Variants in SLC44A5 observed in about 807,000 individuals in gnomAD.
SLC44A5 encodes the protein solute carrier family 44 member 5, also known as choline transporter-like protein 5.
SLC44A5 carries 57 observed loss-of-function variants against 101.8 expected under a neutral mutation model. The ratio of observed to expected loss-of-function variants is 0.56; its 90% CI spans 0.45 to 0.70. The LOEUF is 0.70. Ranked by LOEUF, SLC44A5 falls within the 30% of genes least tolerant of loss-of-function variation. The pLI, the probability that SLC44A5 is intolerant of heterozygous loss-of-function variation, is 0.00. For missense variants in SLC44A5, 737 were observed against 853.1 expected (o/e 0.86, Z 1.70); for synonymous variants, 281 against 290.9 (o/e 0.97, Z 0.35).
chr1:75,414,459 T>A (rs1463815857), intron 2 of SLC44A5, among the ~76,000 whole-genome samples: 1 of 152,110 alleles, frequency 6.6e-6, no homozygotes, highest in East Asian at 1.9e-4. Context: ...TTAAAAACAC[T>A]ATGCTAGGCA....
chr1:75,361,079 AT>A (rs1271264059), intron 3 of SLC44A5, among the ~76,000 whole-genome samples: 5 of 151,878 alleles, frequency 3.3e-5, no homozygotes, highest in Admixed American at 6.6e-5. Flanking sequence ...TATAAATGAG[AT>A]TTTTTTCTTC....
At chr1:75,638,215 C>T in the SLC44A5 span, among the ~76,000 whole-genome samples, 3 of 151,870 alleles carry the variant, frequency 2.0e-5, no homozygotes, top group South Asian at 2.1e-4. Flanking sequence ...GCTAATAGTA[C>T]GATTAAAGCA....
chr1:75,273,344 TC>T (rs1463641670), intron 6 of SLC44A5, among the ~76,000 whole-genome samples: 1 of 152,136 alleles, frequency 6.6e-6, no homozygotes, highest in Non-Finnish European at 1.5e-5. Context: ...CAGTTTGACT[TC>T]CTCTTTTCCA....
At chr1:75,363,954 G>T (rs543263120) in intron 3 of SLC44A5, among the ~76,000 whole-genome samples, 6 of 152,104 alleles carry the variant, frequency 3.9e-5, no homozygotes. Flanking sequence ...TCCTTACTTG[G>T]CAGTTATTTC....
chr1:75,423,689 C>T (rs963201653), intron 2 of SLC44A5, among the ~76,000 whole-genome samples: 3 of 152,246 alleles, frequency 2.0e-5, no homozygotes, highest in African/African-American at 7.2e-5. Context: ...ATACTCCCTG[C>T]TCCCAGGACG....
chr1:75,222,077 GCCT>G (rs1191862375), intron 14 of SLC44A5, among the ~76,000 whole-genome samples: 1 of 151,004 alleles, frequency 6.6e-6, no homozygotes, highest in Non-Finnish European at 1.5e-5. Context: ...TCCTGCCTCA[GCCT>G]CCCAAGTAGC....
At chr1:75,384,352 A>T (rs1213586274) in intron 3 of SLC44A5, among the ~76,000 whole-genome samples, 3 of 147,126 alleles carry the variant, frequency 2.0e-5, no homozygotes, top group African/African-American at 7.5e-5. Context: ...AAATAAAAGG[A>T]TGGAGGAAGA....
chr1:75,633,332 T>C, the SLC44A5 span, among the ~76,000 whole-genome samples: 1 of 152,152 alleles, frequency 6.6e-6, no homozygotes, highest in Non-Finnish European at 1.5e-5. Context: ...TTTCACGACA[T>C]TGATTCTTCC....
chr1:75,447,794 G>T (rs1665674592), intron 2 of SLC44A5, among the ~76,000 whole-genome samples: 1 of 151,964 alleles, frequency 6.6e-6, no homozygotes, highest in South Asian at 2.1e-4. Context: ...TGATAGGCTA[G>T]TTCATAGTTA....
At chr1:75,318,063 G>T (rs1655829967) in intron 4 of SLC44A5, among the ~76,000 whole-genome samples, 1 of 152,120 alleles carries the variant, frequency 6.6e-6, no homozygotes, top group Admixed American at 6.6e-5. Flanking sequence ...AAAAGATACA[G>T]TTGAAGTTGG....
the SLC44A5 span, among the ~76,000 whole-genome samples, chr1:75,646,448 C>T: frequency 3.0e-3 from 455 of 152,250 alleles, 7 homozygotes; most frequent in South Asian, 0.037. Context: ...GACATGAGAA[C>T]CTTCAGAAAT....
intron 18 of SLC44A5, 139 bp downstream of exon 18, chr1:75,217,727 G>T: frequency 1.6e-6 from 1 of 634,334 alleles, no homozygotes; most frequent in South Asian, 1.8e-5. Flanking sequence ...GCTCTCTCTG[G>T]TTTTCCTTCA....
At chr1:75,488,028 G>A (rs1317187160) in intron 2 of SLC44A5, among the ~76,000 whole-genome samples, 1 of 151,614 alleles carries the variant, frequency 6.6e-6, no homozygotes, top group East Asian at 1.9e-4. Context: ...GATCTACGTT[G>A]TATGCTTCTT....
chr1:75,448,888 C>G lies in SLC44A5; in HGVS notation c.14-52267G>C, dbSNP rs150390471. The stretch of plus-strand genomic sequence containing the variant: ...TCTAAAGTCCTACAGATTTGACTCT[C>G]CTTTCCTCTAGTCTCACCTCTCACT... On this transcript the variant is annotated intron_variant, in intron 2 of 23. Transcript: ENST00000370859. Among the ~76,000 whole-genome samples, 112 of 152,260 alleles carry G rather than the reference C, an allele frequency of 7.4e-4. 1 individual carries two copies. The highest frequency in any genetic ancestry group is 7.0e-3 in the East Asian group (36 of 5,172).
chr1:75,532,602 A>G (rs1263872271), intron 2 of SLC44A5, among the ~76,000 whole-genome samples: 1 of 152,162 alleles, frequency 6.6e-6, no homozygotes, highest in Non-Finnish European at 1.5e-5. Flanking sequence ...CTAACATACT[A>G]CATATTTAAA....
chr1:75,344,214 A>C (rs1658088378), intron 3 of SLC44A5, among the ~76,000 whole-genome samples: 1 of 152,168 alleles, frequency 6.6e-6, no homozygotes, highest in Non-Finnish European at 1.5e-5. Flanking sequence ...AAGTGGGCCA[A>C]AGTGAATTCC....
At chr1:75,650,774 C>T in the SLC44A5 span, among the ~76,000 whole-genome samples, 6 of 150,830 alleles carry the variant, frequency 4.0e-5, no homozygotes, top group African/African-American at 1.5e-4. Flanking sequence ...CATGTGCCAC[C>T]ACACCCAGCT....
the SLC44A5 span, among the ~76,000 whole-genome samples, chr1:75,618,621 A>G: frequency 1.3e-5 from 2 of 152,260 alleles, no homozygotes; most frequent in African/African-American, 2.4e-5. Flanking sequence ...TTAAACAAAC[A>G]TACATGGTAT....
At chr1:75,342,994 C>A (rs1202399969) in intron 3 of SLC44A5, among the ~76,000 whole-genome samples, 1 of 151,958 alleles carries the variant, frequency 6.6e-6, no homozygotes. Context: ...TTATATCCTG[C>A]AAATCAATAG....
Sources: allele counts gnomAD v4.1 joint callset (sites outside exome capture counted in the v4.1 genomes callset), GRCh38; gene constraint gnomAD v4.1.1; transcripts MANE v1.5; gene names NCBI Gene and HGNC (gene_info 2026-07-23, HGNC 2026-07-21).